The following ADGRL3 variants were observed in gnomAD, a reference collection of about 807,000 sequenced individuals.
ADGRL3 encodes the protein calcium-independent alpha-latrotoxin receptor 3.
In ADGRL3, 62 loss-of-function variants were observed where a neutral mutation model predicts 153.5. The observed-to-expected ratio is 0.40, with a 90% CI of 0.33 to 0.50. The LOEUF (loss-of-function observed/expected upper bound fraction) is 0.50. Ranked by LOEUF, ADGRL3 falls within the 20% of genes least tolerant of loss-of-function variation. The pLI is 0.47. For synonymous variants in ADGRL3, 710 were observed against 672.5 expected, an observed-to-expected ratio of 1.06 and a Z score of -0.86; for missense variants, 1,641 against 1,859.4, an observed-to-expected ratio of 0.88 and a Z score of 2.16.
chr4:61,622,697 T>C (rs1442487370), intron 5 of ADGRL3, among the ~76,000 whole-genome samples: 1 of 152,136 alleles, frequency 6.6e-6, no homozygotes, highest in Non-Finnish European at 1.5e-5. Context: ...CCATAAAAAA[T>C]GGGTAGATAC....
chr4:61,976,090 T>A (rs1294012273), intron 17 of ADGRL3, among the ~76,000 whole-genome samples: 1 of 152,188 alleles, frequency 6.6e-6, no homozygotes, highest in African/African-American at 2.4e-5. Context: ...ATAGATTTTT[T>A]AAATGTCAAA....
intron 9 of ADGRL3, among the ~76,000 whole-genome samples, chr4:61,821,016 C>T (rs1474182374): frequency 6.6e-6 from 1 of 151,932 alleles, no homozygotes; most frequent in East Asian, 1.9e-4. Flanking sequence ...TTACATATAC[C>T]AGTTGGGACA....
chr4:61,652,889 A>C (rs2094310838), intron 5 of ADGRL3, among the ~76,000 whole-genome samples: 1 of 152,202 alleles, frequency 6.6e-6, no homozygotes, highest in African/African-American at 2.4e-5. Flanking sequence ...TAATGTTCAC[A>C]ATCCAGTGGG....
intron 20 of ADGRL3, among the ~76,000 whole-genome samples, chr4:61,997,820 A>G (rs555160100): frequency 6.6e-6 from 1 of 152,280 alleles, no homozygotes; most frequent in East Asian, 1.9e-4. Flanking sequence ...ATTTAGATAA[A>G]TGTTCAGAGT....
chr4:61,697,304 T>C (rs758842545), intron 6 of ADGRL3, among the ~76,000 whole-genome samples: 7 of 152,138 alleles, frequency 4.6e-5, no homozygotes, highest in Non-Finnish European at 7.4e-5. Flanking sequence ...CACATGGCTG[T>C]AATCCCAGCA....
intron 19 of ADGRL3, among the ~76,000 whole-genome samples, chr4:61,984,527 A>G (rs2099079033): frequency 6.6e-6 from 1 of 152,160 alleles, no homozygotes; most frequent in Non-Finnish European, 1.5e-5. Flanking sequence ...TGATCATGCC[A>G]CCTTACTCCA....
rs1052327856 is a variant in ADGRL3, at chr4:61,414,923, G to A, written c.-174+31734G>A. On this transcript the variant is annotated intron_variant, in intron 2 of 26. Coordinates refer to ENST00000683033, the MANE Select transcript of ADGRL3 (RefSeq NM_001387552.1). ...ATCTCTAAATTTTCATCAAGATCCT[G>A]AGTAAATAATATTATCTATTTACTC... is the stretch of plus-strand genomic sequence containing the variant. Among the ~76,000 whole-genome samples, 14 of 151,896 alleles carry A rather than the reference G, an allele frequency of 9.2e-5. 1 individual carries two copies. The highest frequency in any genetic ancestry group is 4.6e-4 in the Admixed American group (7 of 15,274).
At chr4:61,919,242 G>T (rs1014740891) in intron 13 of ADGRL3, among the ~76,000 whole-genome samples, 2 of 152,164 alleles carry the variant, frequency 1.3e-5, no homozygotes, top group African/African-American at 4.8e-5. Context: ...TTCGATGTTT[G>T]CCCATAAGCA....
chr4:61,559,760 A>G (rs898347658), intron 4 of ADGRL3, among the ~76,000 whole-genome samples: 19 of 152,124 alleles, frequency 1.2e-4, no homozygotes, highest in African/African-American at 4.6e-4. Flanking sequence ...ATACTAGTAA[A>G]TATAATATAC....
intron 11 of ADGRL3, among the ~76,000 whole-genome samples, chr4:61,904,340 G>A (rs1005699066): frequency 1.3e-5 from 2 of 151,868 alleles, no homozygotes; most frequent in African/African-American, 4.8e-5. Context: ...GTAGAGATGG[G>A]GTTTCGCTGT....
At chr4:61,554,716 A>G (rs2098757510) in intron 4 of ADGRL3, among the ~76,000 whole-genome samples, 2 of 152,182 alleles carry the variant, frequency 1.3e-5, no homozygotes, top group South Asian at 4.1e-4. Context: ...ATTAAACTGT[A>G]TCTCTGTGTA....
chr4:61,489,536 A>T (rs1003361918), intron 2 of ADGRL3, among the ~76,000 whole-genome samples: 3 of 152,046 alleles, frequency 2.0e-5, no homozygotes, highest in Non-Finnish European at 4.4e-5. Flanking sequence ...GAACAATACC[A>T]TTCTATCTAA....
At chr4:61,975,670 G>A (rs374199967) in intron 17 of ADGRL3, among the ~76,000 whole-genome samples, 3 of 152,232 alleles carry the variant, frequency 2.0e-5, no homozygotes, top group South Asian at 4.1e-4. Context: ...TCAGTTAAGA[G>A]GCTCTTCATA....
chr4:61,393,825 C>T (rs568441721), intron 2 of ADGRL3, among the ~76,000 whole-genome samples: 2 of 151,882 alleles, frequency 1.3e-5, no homozygotes, highest in Non-Finnish European at 2.9e-5. Context: ...TAAAATAAAT[C>T]ATTTATTTAG....
At position 62,076,357 on chromosome 4, in the gene ADGRL3, C is replaced by G. The variant is rs1377066060; in HGVS notation, c.*5449C>G. On this transcript the variant is annotated 3_prime_UTR_variant, in exon 27 of 27. Coordinates refer to ENST00000683033, the MANE Select transcript of ADGRL3 (RefSeq NM_001387552.1). ...AAATGCAAACTAATTTTTAGGAAGGCTTGTGAAAGAACTTTGATTTATGTG... is the reference window on the plus strand; with the variant it reads ...AAATGCAAACTAATTTTTAGGAAGGGTTGTGAAAGAACTTTGATTTATGTG... The G allele has an allele frequency of 1.3e-5, 2 of 151,950 alleles. No homozygotes were observed. The highest frequency in any genetic ancestry group is 2.9e-5 in the Non-Finnish European group (2 of 67,934). 9.4% of individuals were successfully genotyped at this position (151,950 alleles called of 1,614,324 possible). A position where few individuals can be genotyped will look rare whatever the true frequency, so the allele number is the denominator to read the frequency against.
At chr4:61,671,577 A>G (rs1561037851) in intron 5 of ADGRL3, among the ~76,000 whole-genome samples, 1 of 152,200 alleles carries the variant, frequency 6.6e-6, no homozygotes, top group African/African-American at 2.4e-5. Context: ...ATAAATATGC[A>G]TCATATTATT....
At chr4:61,872,350 G>A (rs2098450326) in intron 9 of ADGRL3, among the ~76,000 whole-genome samples, 1 of 151,672 alleles carries the variant, frequency 6.6e-6, no homozygotes, top group Admixed American at 6.6e-5. Flanking sequence ...TGCATTAGTG[G>A]CAGCAGAGAA....
chr4:61,478,686 T>C (rs1046672006), intron 2 of ADGRL3, among the ~76,000 whole-genome samples: 1 of 152,024 alleles, frequency 6.6e-6, no homozygotes, highest in African/African-American at 2.4e-5. Flanking sequence ...TATATGTCTT[T>C]CTTGGATCTG....
intron 2 of ADGRL3, among the ~76,000 whole-genome samples, chr4:61,447,174 T>A (rs1301416820): frequency 6.6e-6 from 1 of 152,206 alleles, no homozygotes; most frequent in Non-Finnish European, 1.5e-5. Context: ...TTCTTGGCAC[T>A]GGATCTTTCA....
Sources: gnomAD v4.1 joint callset for allele counts (sites outside exome capture counted in the v4.1 genomes callset) on GRCh38, gnomAD v4.1.1 for gene constraint, MANE v1.5 for transcripts, NCBI Gene and HGNC (gene_info 2026-07-23, HGNC 2026-07-21) for gene names.